SUGCT: variants seen among roughly 807,000 people sequenced by gnomAD.
SUGCT encodes succinyl-CoA:glutarate CoA-transferase.
SUGCT carries 41 observed loss-of-function variants against 55.0 expected under a neutral mutation model. The observed-to-expected ratio is 0.74, with a 90% CI of 0.58 to 0.97. The LOEUF (loss-of-function observed/expected upper bound fraction) is 0.97, where lower values mean the gene tolerates loss of function less well. SUGCT is among the 50% of genes least tolerant of loss of function. SUGCT has a pLI of 0.00. For missense variants in SUGCT, 568 were observed against 547.8 expected (o/e 1.04, Z -0.37); for synonymous variants, 187 against 200.4 (o/e 0.93, Z 0.56).
chr7:40,308,806 T>G (rs1794975413), intron 8 of SUGCT, among the ~76,000 whole-genome samples: 1 of 152,162 alleles, frequency 6.6e-6, no homozygotes, highest in Non-Finnish European at 1.5e-5. Flanking sequence ...GGTCAGGAGT[T>G]CGAGACCAGC....
intron 9 of SUGCT, among the ~76,000 whole-genome samples, chr7:40,389,452 A>AACAAACAAACAG (rs1213916997): frequency 8.8e-4 from 126 of 143,764 alleles, no homozygotes; most frequent in African/African-American, 3.0e-3. Context: ...AAAACAAACA[A>AACAAACAAACAG]ACAAACAAAC....
chr7:40,965,320 CTA>C, the SUGCT span: 7 of 152,350 alleles, frequency 4.6e-5, no homozygotes, highest in South Asian at 1.4e-3. Flanking sequence ...CCAAATTTAA[CTA>C]TGTTTGCAGC....
At chr7:40,208,192 A>G (rs2150784520) in intron 6 of SUGCT, among the ~76,000 whole-genome samples, 1 of 152,250 alleles carries the variant, frequency 6.6e-6, no homozygotes, top group East Asian at 1.9e-4. Context: ...GGAAGGAGAG[A>G]CTCGGGAGTT....
At chr7:40,429,931 T>G (rs1314221098) in intron 9 of SUGCT, among the ~76,000 whole-genome samples, 1 of 152,222 alleles carries the variant, frequency 6.6e-6, no homozygotes, top group Non-Finnish European at 1.5e-5. Context: ...GCAATATTTT[T>G]CTTTCTGTGT....
chr7:40,973,424 T>C, the SUGCT span, among the ~76,000 whole-genome samples: 1 of 152,256 alleles, frequency 6.6e-6, no homozygotes, highest in African/African-American at 2.4e-5. Flanking sequence ...TTTTGGCTTA[T>C]GCCAGTCTGA....
At chr7:40,873,012 TC>T in the SUGCT span, among the ~76,000 whole-genome samples, 1 of 152,164 alleles carries the variant, frequency 6.6e-6, no homozygotes, top group Non-Finnish European at 1.5e-5. Context: ...ACCCGGCTGA[TC>T]CCTTGATCAG....
At chr7:40,799,436 C>T (rs1790706908) in intron 13 of SUGCT, among the ~76,000 whole-genome samples, 2 of 151,974 alleles carry the variant, frequency 1.3e-5, no homozygotes, top group Admixed American at 6.6e-5. Flanking sequence ...GTATGTTTTC[C>T]TAAAGAAAGT....
At chr7:41,011,337 A>G in the SUGCT span, among the ~76,000 whole-genome samples, 2 of 152,192 alleles carry the variant, frequency 1.3e-5, no homozygotes, top group Non-Finnish European at 2.9e-5. Flanking sequence ...CACAAATTAG[A>G]ACATGCAGAA....
intron 13 of SUGCT, among the ~76,000 whole-genome samples, chr7:40,758,296 A>G (rs1438116904): frequency 6.6e-6 from 1 of 152,004 alleles, no homozygotes; most frequent in African/African-American, 2.4e-5. Context: ...TTTTTTAATG[A>G]TCAGTCTTTA....
the SUGCT span, among the ~76,000 whole-genome samples, chr7:41,038,039 GCTT>G: frequency 1.3e-5 from 2 of 152,156 alleles, no homozygotes; most frequent in Non-Finnish European, 2.9e-5. Context: ...GGGGAAGAGT[GCTT>G]CTGATCTTTC....
chr7:40,624,413 T>A (rs1362957632), intron 12 of SUGCT, among the ~76,000 whole-genome samples: 2 of 152,218 alleles, frequency 1.3e-5, no homozygotes, highest in Non-Finnish European at 2.9e-5. Flanking sequence ...TTACAGTACT[T>A]AACATGTAAT....
At chr7:40,862,672 G>T (rs1320229858), downstream of SUGCT, among the ~76,000 whole-genome samples, 3 of 151,894 alleles carry the variant, frequency 2.0e-5, no homozygotes, top group South Asian at 6.2e-4. Context: ...CTGAAACTCA[G>T]TGGGGTAATC....
At chr7:40,888,516 T>C in the SUGCT span, among the ~76,000 whole-genome samples, 1 of 152,024 alleles carries the variant, frequency 6.6e-6, no homozygotes, top group African/African-American at 2.4e-5. Context: ...AGCAGTGTGT[T>C]TGAAAAATTA....
intron 12 of SUGCT, among the ~76,000 whole-genome samples, chr7:40,651,669 C>G (rs1800790590): frequency 6.6e-6 from 1 of 151,908 alleles, no homozygotes; most frequent in East Asian, 1.9e-4. Context: ...TTGATTGTTG[C>G]TACTTTCTTT....
chr7:40,519,530 A>G (rs1181395598), intron 12 of SUGCT, among the ~76,000 whole-genome samples: 1 of 152,030 alleles, frequency 6.6e-6, no homozygotes, highest in Non-Finnish European at 1.5e-5. Context: ...TGCATAAGAG[A>G]TGGCACAGAA....
At chr7:40,380,675 C>T (rs866191214) in intron 9 of SUGCT, among the ~76,000 whole-genome samples, 4 of 152,110 alleles carry the variant, frequency 2.6e-5, no homozygotes, top group African/African-American at 7.2e-5. Context: ...CTCTATAATG[C>T]GTGTTGATAG....
At chr7:40,172,445 C>T (rs916777525) in intron 1 of SUGCT, among the ~76,000 whole-genome samples, 3 of 152,136 alleles carry the variant, frequency 2.0e-5, no homozygotes, top group African/African-American at 7.2e-5. Context: ...GTAGCGCTTC[C>T]TTAGATCCCT....
chr7:40,442,412 C>T (rs976875039), intron 9 of SUGCT, among the ~76,000 whole-genome samples: 1 of 152,096 alleles, frequency 6.6e-6, no homozygotes, highest in African/African-American at 2.4e-5. Flanking sequence ...TGTAAAAACA[C>T]ATACAAAGAA....
At chr7:40,871,670 C>G in the SUGCT span, among the ~76,000 whole-genome samples, 1 of 151,464 alleles carries the variant, frequency 6.6e-6, no homozygotes, top group Non-Finnish European at 1.5e-5. Flanking sequence ...TATAGTCCCC[C>G]CGCCCCCACC....
Sources: allele counts gnomAD v4.1 joint callset (sites outside exome capture counted in the v4.1 genomes callset), GRCh38; gene constraint gnomAD v4.1.1; transcripts MANE v1.5; gene names NCBI Gene and HGNC (gene_info 2026-07-23, HGNC 2026-07-21).